The following TMED4 variants were observed in gnomAD, a reference collection of about 807,000 sequenced individuals.
TMED4 encodes the protein transmembrane emp24 domain-containing protein 4.
A neutral mutation model predicts 26.5 loss-of-function variants in TMED4; 19 were observed. That is an observed-to-expected ratio of 0.72 (90% confidence interval 0.50 to 1.05). TMED4 has a LOEUF of 1.05. TMED4 is among the 50% of genes least tolerant of loss of function. TMED4 has a pLI of 0.00. For synonymous variants in TMED4, 121 were observed against 119.8 expected, an observed-to-expected ratio of 1.01 and a Z score of -0.07; for missense variants, 303 against 302.5, an observed-to-expected ratio of 1.00 and a Z score of -0.01.
chr7:44,578,289 T>C lies in TMED4; in HGVS notation c.*1190A>G, dbSNP rs151252908. 174 of 152,340 alleles carry C rather than the reference T, an allele frequency of 1.1e-3. No individual in the cohort carries two copies. Among genetic ancestry groups the C allele is most frequent in the African/African-American group, 3.9e-3 (161 of 41,580 alleles). 9.4% of individuals were successfully genotyped at this position (152,340 alleles called of 1,614,324 possible). A position where few individuals can be genotyped will look rare whatever the true frequency, so the allele number is the denominator to read the frequency against. ...GTGCCTCCCCTCTACCCACAACCTCTTATTTCATCTCAAACACAGCTATTA... is the reference window on the plus strand; with the variant it reads ...GTGCCTCCCCTCTACCCACAACCTCCTATTTCATCTCAAACACAGCTATTA... On this transcript the variant is annotated 3_prime_UTR_variant, in exon 5 of 5. Coordinates refer to ENST00000457408, the MANE Select transcript of TMED4 (RefSeq NM_182547.4).
intron 1 of TMED4, 81 bp downstream of exon 1, chr7:44,581,966 C>T: frequency 6.6e-7 from 1 of 1,524,200 alleles, no homozygotes; most frequent in Non-Finnish European, 8.8e-7. Flanking sequence ...GAGCCAGCGA[C>T]CCGGCTGGGC....
Position 44,581,396 on chromosome 7 carries a change from T to A in TMED4, c.387+53A>T, listed in dbSNP as rs550844809. The A allele has an allele frequency of 5.6e-6, 9 of 1,612,178 alleles. No individual in the cohort carries two copies. The South Asian group carries it at 9.9e-5, about 18-fold the overall frequency. ...GTTTCACAATCTTGATAAATCAAAA[T>A]TTGGAAACAAGTGAGAGATTCTAAG... On this transcript the variant is annotated intron_variant, in intron 3 of 4. Coordinates refer to ENST00000457408, the MANE Select transcript of TMED4 (RefSeq NM_182547.4).
chr7:44,581,692 G>A (rs1803003636), intron 2 of TMED4, 31 bp downstream of exon 2: 1 of 1,614,002 alleles, frequency 6.2e-7, no homozygotes, highest in Non-Finnish European at 8.5e-7. Flanking sequence ...CTCCACTGAA[G>A]AACGGCTGCG....
rs772353305 is a variant in TMED4 at position 44,581,203 on chromosome 7, TG to T, written c.423del (p.Asn142ThrfsTer12). Reference protein sequence around the residue: ...VHLDIQVGEHANNYPEIAAKD... With the variant: ...VHLDIQVGEHXNNYPEIAAKD... Reference sequence around the variant, plus strand: ...TTTGCAGCAATCTCAGGGTAGTTGTTGGCATGCTCCCCAACCTGGATGTCGA... The same window carrying T: ...TTTGCAGCAATCTCAGGGTAGTTGTTGCATGCTCCCCAACCTGGATGTCGA... On this transcript the variant is annotated frameshift_variant, in exon 4 of 5. Transcript: ENST00000457408. LOFTEE classifies it high-confidence loss of function. The T allele has an allele frequency of 6.2e-7, 1 of 1,614,132 alleles. No homozygotes were observed. The highest frequency in any genetic ancestry group is 8.5e-7 in the Non-Finnish European group (1 of 1,180,022).
rs761967658 is a variant in TMED4, at chr7:44,581,411, G to A, written c.387+38C>T. The A allele has an allele frequency of 3.7e-6, 6 of 1,613,230 alleles. No homozygotes were observed. The African/African-American group carries it at 5.3e-5, about 14-fold the overall frequency. ...TAAATCAAAATTTGGAAACAAGTGA[G>A]AGATTCTAAGCTGAAGCCAAAGAGA... On this transcript the variant is annotated intron_variant, in intron 3 of 4. Transcript: ENST00000457408.
chr7:44,579,774 C>T (rs1346856605), intron 4 of TMED4, 146 bp from the exon 5 acceptor site: 8 of 712,546 alleles, frequency 1.1e-5, no homozygotes, highest in Non-Finnish European at 1.7e-5. Flanking sequence ...ATGGTCTCCC[C>T]ACTGAGGCTG....
chr7:44,582,130 C>T lies in TMED4; in HGVS notation c.77G>A (p.Gly26Asp). 6.4e-7 allele frequency: 1 copy of T among 1,553,584 alleles called. No individual in the cohort carries two copies. The highest frequency in any genetic ancestry group is 1.2e-5 in the South Asian group (1 of 84,504). ...GATGTGGAAGTAGAGCCCCTGGGCGCCTGTGGCGCACAGCGCGAGAAGCAG... is the reference window on the plus strand; with the variant it reads ...GATGTGGAAGTAGAGCCCCTGGGCGTCTGTGGCGCACAGCGCGAGAAGCAG... ...ALLLLALCAT[G>D]AQGLYFHIGE... The change falls in exon 1 of 5, where the codon GGC (glycine) becomes GAC (aspartate). Residue 26 changes from glycine (G) to aspartate (D), a missense_variant. Coordinates refer to ENST00000457408, the MANE Select transcript of TMED4 (RefSeq NM_182547.4).
At chr7:44,581,635 C>T in intron 2 of TMED4, 61 bp from the exon 3 acceptor site, 1 of 1,613,984 alleles carries the variant, frequency 6.2e-7, no homozygotes, top group Non-Finnish European at 8.5e-7. Context: ...GTGCAAGTTC[C>T]TGTCCCTTGA....
chr7:44,582,156 C>T lies in TMED4; in HGVS notation c.51G>A (p.Leu17=). Residue 17 remains leucine (L), a synonymous_variant, in exon 1 of 5, where the codon CTG becomes CTA. Coordinates refer to ENST00000457408, the MANE Select transcript of TMED4 (RefSeq NM_182547.4). ...GPLRAMGRQA[L]LLLALCATGA... ...CTGTGGCGCACAGCGCGAGAAGCAG[C>T]AGGGCCTGCCGCCCCATCGCCCGCA... 1 of 1,549,578 alleles carries T rather than the reference C, an allele frequency of 6.5e-7. No individual in the cohort carries two copies. The highest frequency in any genetic ancestry group is 8.7e-7 in the Non-Finnish European group (1 of 1,146,528).
In TMED4 at chr7:44,578,506, G is replaced by C. The variant is rs1462382527; in HGVS notation, c.*973C>G. ...AAAAGCAGGTATCCAAAAGAACTCT[G>C]CTTGGCCCTCTGATACGGCCTTGAG... On this transcript the variant is annotated 3_prime_UTR_variant, in exon 5 of 5. Transcript: ENST00000457408. The C allele has an allele frequency of 1.3e-5, 2 of 152,110 alleles. No individual in the cohort carries two copies. Among genetic ancestry groups the C allele is most frequent in the East Asian group, 3.8e-4 (2 of 5,200 alleles). The allele number at this position is 152,110 out of a possible 1,614,324, so 9.4% of individuals were successfully genotyped here. A position where few individuals can be genotyped will look rare whatever the true frequency, so the allele number is the denominator to read the frequency against.
chr7:44,579,377 T>C lies in TMED4; in HGVS notation c.*102A>G, dbSNP rs1488059739. 4 of 1,352,324 alleles carry C rather than the reference T, an allele frequency of 3.0e-6. No individual in the cohort carries two copies. Among genetic ancestry groups the C allele is most frequent in the South Asian group, 2.8e-5 (2 of 71,002 alleles). 83.8% of individuals were successfully genotyped at this position (1,352,324 alleles called of 1,614,324 possible). ...GTGGCCATGGAACCAATGTGACTTA[T>C]TCTTTTTCATTTTTTTCCCTAAAAA... On this transcript the variant is annotated 3_prime_UTR_variant, in exon 5 of 5. Coordinates refer to ENST00000457408, the MANE Select transcript of TMED4 (RefSeq NM_182547.4).
chr7:44,579,815 A>C (rs949663528), intron 4 of TMED4, 187 bp from the exon 5 acceptor site: 1 of 483,432 alleles, frequency 2.1e-6, no homozygotes, highest in Non-Finnish European at 3.6e-6. Flanking sequence ...GTCCCTCCAC[A>C]AGCATCTCTG....
intron 3 of TMED4, 30 bp from the exon 4 acceptor site, chr7:44,581,269 T>G (rs778515732): frequency 1.6e-5 from 26 of 1,612,852 alleles, no homozygotes; most frequent in Middle Eastern, 1.7e-4. Flanking sequence ...GTATGAGTGG[T>G]GGGGCCTCCA....
rs767814373 is a variant in TMED4 at position 44,579,429 on chromosome 7, G to C, written c.*50C>G. 3 of 1,572,122 alleles carry C rather than the reference G, an allele frequency of 1.9e-6. No homozygotes were observed. Among genetic ancestry groups the C allele is most frequent in the Non-Finnish European group, 2.6e-6 (3 of 1,151,754 alleles). On this transcript the variant is annotated 3_prime_UTR_variant, in exon 5 of 5. Transcript: ENST00000457408. Reference sequence around the variant, plus strand: ...CCAGGTGGATAAAGGACTGTGTGGGGAAAGTACCAAATAAATGAGGTAAAA... The same window carrying C: ...CCAGGTGGATAAAGGACTGTGTGGGCAAAGTACCAAATAAATGAGGTAAAA...
chr7:44,579,402 A>G lies in TMED4; in HGVS notation c.*77T>C, dbSNP rs1802910449. 6.8e-7 allele frequency: 1 copy of G among 1,477,982 alleles called. No homozygotes were observed. The highest frequency in any genetic ancestry group is 9.1e-7 in the Non-Finnish European group (1 of 1,094,614). The allele number at this position is 1,477,982 out of a possible 1,614,324, so 91.6% of individuals were successfully genotyped here. A position where few individuals can be genotyped will look rare whatever the true frequency, so the allele number is the denominator to read the frequency against. ...TTCTTTTTCATTTTTTTCCCTAAAA[A>G]TCCAGGTGGATAAAGGACTGTGTGG... On this transcript the variant is annotated 3_prime_UTR_variant, in exon 5 of 5. Coordinates refer to ENST00000457408, the MANE Select transcript of TMED4 (RefSeq NM_182547.4).
chr7:44,581,501 ATT>A lies in TMED4; in HGVS notation c.333_334del (p.Gln111HisfsTer35), dbSNP rs1802990532. The A allele has an allele frequency of 1.2e-6, 2 of 1,614,220 alleles. No individual in the cohort carries two copies. The highest frequency in any genetic ancestry group is 2.7e-5 in the African/African-American group (2 of 75,068). On this transcript the variant is annotated frameshift_variant, in exon 3 of 5. Transcript: ENST00000457408. LOFTEE classifies it high-confidence loss of function. ...CCTGGTAGAATTGGAGTGCAGACAG[ATT>A]TGATGGTCACCGGGCGTGTGGGAGG... is the stretch of plus-strand genomic sequence containing the variant.
At chr7:44,580,968 CCTAT>C in intron 4 of TMED4, 121 bp downstream of exon 4, 2 of 1,076,352 alleles carry the variant, frequency 1.9e-6, no homozygotes, top group South Asian at 3.1e-5. Flanking sequence ...AAACAAACAA[CCTAT>C]CTAAACCAAT....
rs1339107665 is a variant in TMED4, at chr7:44,578,939, A to G, written c.*540T>C. On this transcript the variant is annotated 3_prime_UTR_variant, in exon 5 of 5. Coordinates refer to ENST00000457408, the MANE Select transcript of TMED4 (RefSeq NM_182547.4). The stretch of plus-strand genomic sequence containing the variant: ...TGCATTGGTATTTTGAGCTAGTTAC[A>G]GGCAGTAACACTTCTACTAGGAAGG... The G allele has an allele frequency of 6.6e-6, 1 of 151,948 alleles. No individual in the cohort carries two copies. The highest frequency in any genetic ancestry group is 1.5e-5 in the Non-Finnish European group (1 of 67,978). The allele number at this position is 151,948 out of a possible 1,614,324, so 9.4% of individuals were successfully genotyped here.
chr7:44,579,564 A>G lies in TMED4; in HGVS notation c.599T>C (p.Ile200Thr), dbSNP rs761398032. The change falls in exon 5 of 5, where the codon ATT becomes ACT. Residue 200 changes from isoleucine to threonine, a missense_variant. Coordinates refer to ENST00000457408, the MANE Select transcript of TMED4 (RefSeq NM_182547.4). ...GAGGATGAGGATGACAGTCTGAGCA[A>G]TGGACCACCATAGGACCCTCTGGTT... The part of the protein sequence containing the change: ...STNQRVLWWS[I>T]AQTVILILTG... 1.1e-5 allele frequency: 17 copies of G among 1,614,196 alleles called. No individual in the cohort carries two copies. The highest frequency in any genetic ancestry group is 2.2e-5 in the East Asian group (1 of 44,892).
Sources: gnomAD v4.1 joint callset for allele counts on GRCh38, gnomAD v4.1.1 for gene constraint, MANE v1.5 for transcripts, NCBI Gene and HGNC (gene_info 2026-07-23, HGNC 2026-07-21) for gene names.